Variants in LRRC4B observed in about 807,000 individuals in gnomAD.
LRRC4B encodes leucine rich repeat containing 4B, also known as leucine-rich repeat-containing protein 4B.
In LRRC4B, 1 loss-of-function variant was observed where a neutral mutation model predicts 7.3. The ratio of observed to expected loss-of-function variants is 0.14; its 90% CI spans 0.05 to 0.65. The LOEUF is 0.65. Among genes scored for constraint, LRRC4B ranks in the 30% least tolerant of loss-of-function variants. The probability of loss-of-function intolerance (pLI) is 0.84; values close to 1 mark genes in which losing one functional copy is unlikely to be tolerated. For synonymous variants in LRRC4B, 500 were observed against 499.2 expected (o/e 1.00, Z -0.02); for missense variants, 730 against 1,041.6 (o/e 0.70, Z 4.12).
intron 2 of LRRC4B, among the ~76,000 whole-genome samples, chr19:50,522,144 C>CTCCA (rs113539229): frequency 0.013 from 1,913 of 152,234 alleles, 49 homozygotes; most frequent in East Asian, 0.11. Context: ...TGCCACTGAG[C>CTCCA]TCCAGCCTGC....
At position 50,548,864 on chromosome 19, in the gene LRRC4B, C is replaced by T. The variant is rs989467316; in HGVS notation, c.-26G>A. On this transcript the variant is annotated 5_prime_UTR_variant, in exon 2 of 3. Transcript: ENST00000652263. This position sits in a 1 kb window ranked among gnomAD's most constrained non-coding sequence, Gnocchi z 6.8. Reference sequence around the variant, plus strand: ...CCTCAATGTTCATGCTCCGCGTGGACGCTGGGGGGCTGTGGGTGGGGGAGA... The same window carrying T: ...CCTCAATGTTCATGCTCCGCGTGGATGCTGGGGGGCTGTGGGTGGGGGAGA... 2.6e-4 allele frequency: 209 copies of T among 816,618 alleles called. No individual in the cohort carries two copies. Among genetic ancestry groups the T allele is most frequent in the Middle Eastern group, 4.5e-4 (1 of 2,202 alleles). The allele number at this position is 816,618 out of a possible 1,614,324, so 50.6% of individuals were successfully genotyped here. A position where few individuals can be genotyped will look rare whatever the true frequency, so the allele number is the denominator to read the frequency against.
Position 50,548,660 on chromosome 19 carries a change from G to T in LRRC4B, c.179C>A (p.Ala60Asp). The T allele has an allele frequency of 6.4e-7, 1 of 1,568,916 alleles. No homozygotes were observed. Among genetic ancestry groups the T allele is most frequent in the Non-Finnish European group, 8.6e-7 (1 of 1,160,152 alleles). Residue 60 changes from alanine (A) to aspartate (D), a missense_variant, in exon 2 of 3, where the codon GCC becomes GAC. By Grantham distance (126) the Ala-to-Asp change is moderately radical (BLOSUM62 -2). Transcript: ENST00000652263. This position sits in a 1 kb window ranked among gnomAD's most constrained non-coding sequence, Gnocchi z 6.8. ...GSPPATSCPVACSCSNQASRV... is the reference protein window; with the variant it reads ...GSPPATSCPVDCSCSNQASRV... ...GCTGGCCTGGTTGCTGCAGGAGCAG[G>T]CCACGGGGCAGGAGGTGGCCGGCGG... is the stretch of plus-strand genomic sequence containing the variant.
At chr19:50,550,701 G>A (rs900844848) in intron 1 of LRRC4B, among the ~76,000 whole-genome samples, 6 of 152,190 alleles carry the variant, frequency 3.9e-5, no homozygotes, top group African/African-American at 9.7e-5. Flanking sequence ...GGGAAAGAGG[G>A]AGCTGGGGAG....
intron 1 of LRRC4B, among the ~76,000 whole-genome samples, chr19:50,552,521 G>A (rs1013339036): frequency 5.9e-5 from 9 of 151,468 alleles, no homozygotes; most frequent in Admixed American, 1.3e-4. Flanking sequence ...GGGCAGCCAC[G>A]TTCATTCATT....
intron 2 of LRRC4B, among the ~76,000 whole-genome samples, chr19:50,526,437 G>A (rs371027830): frequency 2.0e-5 from 3 of 152,136 alleles, no homozygotes; most frequent in South Asian, 2.1e-4. Flanking sequence ...AGGGATCCCC[G>A]GGGCTGGGTT....
chr19:50,527,028 ATTTTTGTAT>A (rs1333522506), intron 2 of LRRC4B, among the ~76,000 whole-genome samples: 2 of 94,310 alleles, frequency 2.1e-5, no homozygotes. Context: ...TAATTTTTGT[ATTTTTGTAT>A]TTTTTTTTTT....
rs1981351538 is a variant in LRRC4B, at chr19:50,537,741, T to C, written c.297+10801A>G. On this transcript the variant is annotated intron_variant, in intron 2 of 2. Coordinates refer to ENST00000652263, the MANE Select transcript of LRRC4B (RefSeq NM_001080457.2). This position sits in a 1 kb window ranked among gnomAD's most constrained non-coding sequence, Gnocchi z 5.5. ...AAAAGTTAAGAAGAAACTGACAAAG[T>C]ATGGGAAATCCTATTTGAAAAGGGT... Among the ~76,000 whole-genome samples the C allele has an allele frequency of 6.6e-6, 1 of 152,064 alleles. No individual in the cohort carries two copies. The highest frequency in any genetic ancestry group is 2.4e-5 in the African/African-American group (1 of 41,404).
In LRRC4B at chr19:50,556,826, G is replaced by A. The variant is rs1306869112; in HGVS notation, c.-35-7953C>T. 6.6e-6 allele frequency among the ~76,000 whole-genome samples: 1 copy of A among 152,152 alleles called. No individual in the cohort carries two copies. Among genetic ancestry groups the A allele is most frequent in the Non-Finnish European group, 1.5e-5 (1 of 68,022 alleles). Reference sequence around the variant, plus strand: ...GGGTCTCTAGGGAGGCAAGTGTGGGGGTGGGGGAGCCGTCCGAGGGCTAAG... The same window carrying A: ...GGGTCTCTAGGGAGGCAAGTGTGGGAGTGGGGGAGCCGTCCGAGGGCTAAG... On this transcript the variant is annotated intron_variant, in intron 1 of 2. Transcript: ENST00000652263. The surrounding 1 kb of genome is among the most constrained non-coding windows in gnomAD (Gnocchi z 4.2).
At chr19:50,545,348 C>T (rs558206591) in intron 2 of LRRC4B, among the ~76,000 whole-genome samples, 58 of 140,302 alleles carry the variant, frequency 4.1e-4, no homozygotes, top group Admixed American at 1.0e-3. Flanking sequence ...GTGGAGGTTG[C>T]GGTGAGCCGA....
At chr19:50,532,362 T>C (rs1248090711) in intron 2 of LRRC4B, among the ~76,000 whole-genome samples, 1 of 152,190 alleles carries the variant, frequency 6.6e-6, no homozygotes, top group East Asian at 1.9e-4. Flanking sequence ...AGTTCAGACC[T>C]TGCCACATCC....
At chr19:50,528,097 C>T (rs1430857503) in intron 2 of LRRC4B, among the ~76,000 whole-genome samples, 3 of 151,802 alleles carry the variant, frequency 2.0e-5, no homozygotes, top group Non-Finnish European at 4.4e-5. Flanking sequence ...GGCTGAAGTG[C>T]AGTGCTGTGA....
rs1340415777 is a variant in LRRC4B at position 50,539,066 on chromosome 19, G to C, written c.297+9476C>G. 2.0e-5 allele frequency among the ~76,000 whole-genome samples: 3 copies of C among 151,180 alleles called. No homozygotes were observed. In the East Asian group the frequency reaches 5.9e-4, roughly 30 times the overall value. ...GGCTAATTTTTGTATTTTTAGTAGA[G>C]ACAGGGTTTCACCATGTTGGCCAGG... On this transcript the variant is annotated intron_variant, in intron 2 of 2. Coordinates refer to ENST00000652263, the MANE Select transcript of LRRC4B (RefSeq NM_001080457.2).
chr19:50,544,363 T>A (rs1012605506), intron 2 of LRRC4B, among the ~76,000 whole-genome samples: 1 of 151,494 alleles, frequency 6.6e-6, no homozygotes, highest in Non-Finnish European at 1.5e-5. Flanking sequence ...AAAAATTAGC[T>A]GGGTGTGGTG....
At chr19:50,521,382 A>G (rs1980574044) in intron 2 of LRRC4B, among the ~76,000 whole-genome samples, 1 of 152,104 alleles carries the variant, frequency 6.6e-6, no homozygotes, top group Admixed American at 6.6e-5. Flanking sequence ...TCCCCAAACT[A>G]CACTTAAAAT....
Position 50,517,787 on chromosome 19 carries a change from AC to A in LRRC4B, c.1925del (p.Gly642ValfsTer224). 2 of 1,524,930 alleles carry A rather than the reference AC, an allele frequency of 1.3e-6. No homozygotes were observed. The highest frequency in any genetic ancestry group is 8.7e-7 in the Non-Finnish European group (1 of 1,143,082). 94.5% of individuals were successfully genotyped at this position (1,524,930 alleles called of 1,614,324 possible). ...CCAGGTGGCTGTCCCCGCCCACACC[AC>A]CCCCACTGGCCACGGCGGCCGCGGC... The part of the protein sequence containing the change: ...VAAAAAVASG[G>X]GVGGDSHLAL... On this transcript the variant is annotated frameshift_variant, in exon 3 of 3. Coordinates refer to ENST00000652263, the MANE Select transcript of LRRC4B (RefSeq NM_001080457.2). LOFTEE classifies it low-confidence loss of function (END_TRUNC). The surrounding 1 kb of genome is among the most constrained non-coding windows in gnomAD (Gnocchi z 6.6).
Position 50,538,859 on chromosome 19 carries a change from G to A in LRRC4B, c.297+9683C>T, listed in dbSNP as rs1041713871. Among the ~76,000 whole-genome samples, 8 of 151,068 alleles carry A rather than the reference G, an allele frequency of 5.3e-5. No homozygotes were observed. In the South Asian group the frequency reaches 8.3e-4, roughly 16 times the overall value. On this transcript the variant is annotated intron_variant, in intron 2 of 2. Coordinates refer to ENST00000652263, the MANE Select transcript of LRRC4B (RefSeq NM_001080457.2). The stretch of plus-strand genomic sequence containing the variant: ...GCTGGGATTACAGGTGTGAGCCACC[G>A]TGCTGGGATTACAGGTGCGAGCCAC...
intron 2 of LRRC4B, among the ~76,000 whole-genome samples, chr19:50,520,203 C>CAAAAAAAAAAAAA (rs1173919963): frequency 1.1e-4 from 1 of 9,378 alleles, no homozygotes; most frequent in Non-Finnish European, 1.9e-4. Flanking sequence ...AATACCCTGT[C>CAAAAAAAAAAAAA]AAAAAAAAAA....
chr19:50,567,259 G>T (rs890670725), intron 1 of LRRC4B, among the ~76,000 whole-genome samples: 2 of 151,786 alleles, frequency 1.3e-5, no homozygotes, highest in African/African-American at 4.8e-5. Context: ...GTCAGGGAAC[G>T]GGGGTCTTGG....
rs912202182 is a variant in LRRC4B, at chr19:50,568,252, T to G, written c.-344A>C. Reference sequence around the variant, plus strand: ...CTTCTTGCCTTCCTTTCTTTCCTTCTTTCTTTCCTGGCTTCCTTCCTTCCA... The same window carrying G: ...CTTCTTGCCTTCCTTTCTTTCCTTCGTTCTTTCCTGGCTTCCTTCCTTCCA... On this transcript the variant is annotated 5_prime_UTR_variant, in exon 1 of 3. Transcript: ENST00000652263. 6.6e-6 allele frequency among the ~76,000 whole-genome samples: 1 copy of G among 151,676 alleles called. No individual in the cohort carries two copies. The highest frequency in any genetic ancestry group is 1.5e-5 in the Non-Finnish European group (1 of 67,866).
Sources: gnomAD v4.1 joint callset for allele counts (sites outside exome capture counted in the v4.1 genomes callset) on GRCh38, gnomAD v4.1.1 for gene constraint, Gnocchi (gnomAD v3.1) non-coding constraint, MANE v1.5 for transcripts, NCBI Gene and HGNC (gene_info 2026-07-23, HGNC 2026-07-21) for gene names.